CRYBG1: variants seen among roughly 807,000 people sequenced by gnomAD.
CRYBG1 encodes the protein crystallin beta-gamma domain containing 1.
A neutral mutation model predicts 189.2 loss-of-function variants in CRYBG1; 139 were observed. The observed-to-expected ratio is 0.73, with a 90% CI of 0.64 to 0.85. The LOEUF (loss-of-function observed/expected upper bound fraction) is 0.85. Among genes scored for constraint, CRYBG1 ranks in the 40% least tolerant of loss-of-function variants. CRYBG1 has a pLI of 0.00. For missense variants in CRYBG1, 2,611 were observed against 2,675.8 expected (o/e 0.98, Z 0.53); for synonymous variants, 1,023 against 1,017.1 (o/e 1.01, Z -0.11).
chr6:106,381,808 C>T, intron 1 of CRYBG1, among the ~76,000 whole-genome samples: 1 of 152,206 alleles, frequency 6.6e-6, no homozygotes, highest in East Asian at 1.9e-4. Flanking sequence ...TGTGCTCCTG[C>T]TAGCCAGAAA....
intron 1 of CRYBG1, among the ~76,000 whole-genome samples, chr6:106,375,607 G>C (rs186366866): frequency 6.6e-6 from 1 of 152,294 alleles, no homozygotes; most frequent in African/African-American, 2.4e-5. Context: ...AAGAGGCTCA[G>C]TTGGTTAGCA....
At chr6:106,460,212 T>C (rs892647055) in intron 2 of CRYBG1, among the ~76,000 whole-genome samples, 3 of 151,910 alleles carry the variant, frequency 2.0e-5, no homozygotes, top group Non-Finnish European at 2.9e-5. Flanking sequence ...AGGATGGTCT[T>C]GATCTCCTGA....
rs755726070 is a variant in CRYBG1 at position 106,558,541 on chromosome 6, A to C, written c.5771A>C (p.Lys1924Thr). 2 of 1,612,360 alleles carry C rather than the reference A, an allele frequency of 1.2e-6. No individual in the cohort carries two copies. The highest frequency in any genetic ancestry group is 1.7e-6 in the Non-Finnish European group (2 of 1,178,544). ...GAAAGAGAAGACTTCAAAGGAAAAA[A>C]GATTGAACTTAATGCAGAAACTGTC... is the stretch of plus-strand genomic sequence containing the variant. ...LFEREDFKGK[K>T]IELNAETVNL... Residue 1924 changes from lysine (K) to threonine (T), a missense_variant, in exon 18 of 22, where the codon AAG becomes ACG. Lys to Thr is a moderately conservative substitution (Grantham distance 78). This residue lies in a region of CRYBG1 where 1,622 missense variants were observed against 1,735.0 expected (regional missense o/e 0.93). Transcript: ENST00000633556.
At chr6:106,559,345 A>T (rs1774642238) in intron 18 of CRYBG1, among the ~76,000 whole-genome samples, 1 of 152,228 alleles carries the variant, frequency 6.6e-6, no homozygotes, top group South Asian at 2.1e-4. Flanking sequence ...AACTTCGAAT[A>T]CTTTTGAATA....
At chr6:106,511,071 C>T (rs1773247906) in intron 2 of CRYBG1, among the ~76,000 whole-genome samples, 3 of 152,142 alleles carry the variant, frequency 2.0e-5, no homozygotes, top group Admixed American at 2.0e-4. Context: ...ACATGCACGG[C>T]TGTTTATAAA....
At chr6:106,413,827 C>T (rs1367070459) in intron 1 of CRYBG1, among the ~76,000 whole-genome samples, 2 of 152,286 alleles carry the variant, frequency 1.3e-5, no homozygotes, top group Middle Eastern at 3.4e-3. Context: ...GTTTTTATTG[C>T]CCTGCTGGGT....
intron 11 of CRYBG1, 114 bp from the exon 12 acceptor site, chr6:106,544,457 G>T: frequency 1.6e-6 from 2 of 1,219,006 alleles, no homozygotes; most frequent in Non-Finnish European, 2.3e-6. Context: ...TAATAAAGCA[G>T]AAGGTCATGT....
At chr6:106,377,621 T>TATATATATATATATATATATATATATA (rs1419204336) in intron 1 of CRYBG1, among the ~76,000 whole-genome samples, 8 of 69,456 alleles carry the variant, frequency 1.2e-4, no homozygotes, top group African/African-American at 2.5e-4. Context: ...TCCTAAGGTT[T>TATATATATATATATATATATATATATA]TATATATATA....
At chr6:106,437,595 C>T (rs1428829934) in intron 1 of CRYBG1, among the ~76,000 whole-genome samples, 1 of 152,180 alleles carries the variant, frequency 6.6e-6, no homozygotes, top group Non-Finnish European at 1.5e-5. Context: ...CTCCATCACA[C>T]TCAGCTGATT....
chr6:106,495,533 T>TG (rs376052430), intron 2 of CRYBG1, among the ~76,000 whole-genome samples: 4,980 of 150,360 alleles, frequency 0.033, 100 homozygotes, highest in Middle Eastern at 0.068. Context: ...CTGGTAGTTT[T>TG]GGGGGGGCTC....
At chr6:106,539,335 G>C in intron 8 of CRYBG1, 68 bp from the exon 9 acceptor site, 1 of 1,583,078 alleles carries the variant, frequency 6.3e-7, no homozygotes, top group East Asian at 2.2e-5. Flanking sequence ...CTGGGTACCA[G>C]ACAGAAGGAA....
At chr6:106,534,840 G>T (rs1562109081) in intron 8 of CRYBG1, among the ~76,000 whole-genome samples, 1 of 151,978 alleles carries the variant, frequency 6.6e-6, no homozygotes. Context: ...TGGAAGTGGG[G>T]GGTGGTATAT....
intron 2 of CRYBG1, among the ~76,000 whole-genome samples, chr6:106,469,405 CTCTT>C (rs1312567333): frequency 6.6e-6 from 1 of 152,192 alleles, no homozygotes; most frequent in Non-Finnish European, 1.5e-5. Context: ...AGATTTTTGT[CTCTT>C]TTGTTCATTG....
chr6:106,389,117 G>A (rs1412997592), intron 1 of CRYBG1, among the ~76,000 whole-genome samples: 2 of 151,854 alleles, frequency 1.3e-5, no homozygotes, highest in Non-Finnish European at 2.9e-5. Flanking sequence ...TTCCTTTATA[G>A]TTTCCTCTGT....
intron 1 of CRYBG1, among the ~76,000 whole-genome samples, chr6:106,384,950 C>A (rs73763929): frequency 6.8e-6 from 1 of 146,036 alleles, no homozygotes. Flanking sequence ...AATGTTCACT[C>A]ATCACTCCCA....
intron 2 of CRYBG1, among the ~76,000 whole-genome samples, chr6:106,482,116 T>G (rs73511073): frequency 0.13 from 20,288 of 151,960 alleles, 205 homozygotes; most frequent in East Asian, 0.22. Context: ...GGCTGCAGTT[T>G]CATCTGAGGC....
chr6:106,500,993 T>C (rs891553237), intron 2 of CRYBG1, among the ~76,000 whole-genome samples: 1 of 152,216 alleles, frequency 6.6e-6, no homozygotes, highest in Non-Finnish European at 1.5e-5. Context: ...TGATTGTTGA[T>C]AGGCTGGAGG....
rs557190462 is a variant in CRYBG1 at position 106,505,668 on chromosome 6, T to A, written c.313-5762T>A. On this transcript the variant is annotated intron_variant, in intron 2 of 21. Transcript: ENST00000633556. ...CTAACCCCTATTTTAACTTTTAAAG[T>A]TGAAGTGTAAAGTAGCTCAAATTCC... 9.9e-5 allele frequency among the ~76,000 whole-genome samples: 15 copies of A among 152,282 alleles called. No homozygotes were observed. In the South Asian group the frequency reaches 3.1e-3, roughly 32 times the overall value.
In CRYBG1 at chr6:106,544,817, C is replaced by T; in HGVS notation, c.5196C>T (p.Tyr1732=). 6.2e-7 allele frequency: 1 copy of T among 1,608,264 alleles called. No individual in the cohort carries two copies. Among genetic ancestry groups the T allele is most frequent in the African/African-American group, 1.3e-5 (1 of 74,468 alleles). ...TTTCAAATGCTCACATGATAATGTA[C>T]AGTGAAAAAAACTTTGGATCCAAAG... The part of the protein sequence containing the change: ...GDFSNAHMIM[Y]SEKNFGSKGS... Residue 1732 remains tyrosine, a synonymous_variant, in exon 13 of 22, where the codon TAC becomes TAT. Transcript: ENST00000633556.
Sources: allele counts gnomAD v4.1 joint callset (sites outside exome capture counted in the v4.1 genomes callset), GRCh38; gene constraint gnomAD v4.1.1; regional missense constraint gnomAD v4.1.1; transcripts MANE v1.5; gene names NCBI Gene and HGNC (gene_info 2026-07-23, HGNC 2026-07-21).